Variants in TENM2 observed in about 807,000 individuals in gnomAD.
The protein encoded by TENM2 is teneurin-2.
In TENM2, 52 loss-of-function variants were observed where a neutral mutation model predicts 245.2. The ratio of observed to expected loss-of-function variants is 0.21; its 90% CI spans 0.17 to 0.27. The LOEUF (loss-of-function observed/expected upper bound fraction) is 0.27. Ranked by LOEUF, TENM2 falls within the 10% of genes least tolerant of loss-of-function variation. The pLI is 1.00. For synonymous variants in TENM2, 1,363 were observed against 1,438.9 expected (o/e 0.95, Z 1.19); for missense variants, 3,046 against 3,666.8 (o/e 0.83, Z 4.37).
intron 2 of TENM2, among the ~76,000 whole-genome samples, chr5:167,491,350 A>T: frequency 6.6e-6 from 1 of 152,048 alleles, no homozygotes; most frequent in Non-Finnish European, 1.5e-5. Context: ...ATTTTTTCCT[A>T]TGGGGAAGTC....
chr5:167,760,020 G>A (rs116171842), intron 2 of TENM2, among the ~76,000 whole-genome samples: 1 of 152,182 alleles, frequency 6.6e-6, no homozygotes, highest in African/African-American at 2.4e-5. Flanking sequence ...GAGCTTACTA[G>A]AGCGGTGGCT....
chr5:168,111,983 T>G (rs1238724587), intron 9 of TENM2, among the ~76,000 whole-genome samples: 3 of 152,198 alleles, frequency 2.0e-5, no homozygotes, highest in Non-Finnish European at 4.4e-5. Context: ...CGTTATGCTG[T>G]AAAACATGAG....
chr5:167,079,505 G>A, the TENM2 span, among the ~76,000 whole-genome samples: 1 of 150,988 alleles, frequency 6.6e-6, no homozygotes. Flanking sequence ...TAGAGACAGG[G>A]TTTCTCCACA....
In TENM2 at chr5:168,073,926, G is replaced by A. The variant is rs542680015; in HGVS notation, c.1515+11661G>A. 4.6e-5 allele frequency among the ~76,000 whole-genome samples: 7 copies of A among 152,244 alleles called. No individual in the cohort carries two copies. The East Asian group carries it at 1.4e-3, about 29-fold the overall frequency. The stretch of plus-strand genomic sequence containing the variant: ...CGACATGCCAAGGGGCTGCAGCCAG[G>A]GACAGGGCAGAGCTAGCCCTGCCCT... On this transcript the variant is annotated intron_variant, in intron 7 of 28. Coordinates refer to ENST00000518659, the Ensembl canonical transcript of TENM2.
At chr5:167,068,590 G>T in the TENM2 span, among the ~76,000 whole-genome samples, 1 of 152,060 alleles carries the variant, frequency 6.6e-6, no homozygotes. Flanking sequence ...ATTTACACTT[G>T]CAGTGCATGT....
chr5:167,593,310 A>G (rs1018759064), intron 2 of TENM2, among the ~76,000 whole-genome samples: 5 of 152,238 alleles, frequency 3.3e-5, no homozygotes, highest in African/African-American at 7.2e-5. Flanking sequence ...CATTTGTGCT[A>G]AGAAAACAAT....
At chr5:167,724,711 T>G (rs1759869697) in intron 2 of TENM2, among the ~76,000 whole-genome samples, 1 of 152,156 alleles carries the variant, frequency 6.6e-6, no homozygotes. Context: ...ATCTAAATGC[T>G]GAGAAGAAAC....
intron 5 of TENM2, among the ~76,000 whole-genome samples, chr5:168,016,518 A>G (rs1048454593): frequency 2.6e-5 from 4 of 152,250 alleles, no homozygotes; most frequent in Non-Finnish European, 5.9e-5. Flanking sequence ...GAGTAAAACA[A>G]TTAGTGAAGA....
At chr5:167,755,337 C>A in intron 2 of TENM2, 1 of 589,370 alleles carries the variant, frequency 1.7e-6, no homozygotes, top group Non-Finnish European at 3.0e-6. Flanking sequence ...GATTTCGCAC[C>A]GCAGTTGTCT....
At chr5:167,176,445 T>G in the TENM2 span, among the ~76,000 whole-genome samples, 1 of 152,252 alleles carries the variant, frequency 6.6e-6, no homozygotes, top group Non-Finnish European at 1.5e-5. Context: ...TTACAATAAC[T>G]TTAATGAAAT....
intron 2 of TENM2, among the ~76,000 whole-genome samples, chr5:167,841,463 A>G (rs1226828897): frequency 6.6e-6 from 1 of 152,208 alleles, no homozygotes; most frequent in Non-Finnish European, 1.5e-5. Flanking sequence ...CCTTGTGTAT[A>G]TATATGTGCC....
At chr5:167,820,033 C>T (rs1767389239) in intron 2 of TENM2, among the ~76,000 whole-genome samples, 1 of 152,102 alleles carries the variant, frequency 6.6e-6, no homozygotes, top group South Asian at 2.1e-4. Flanking sequence ...TTCCTAAACC[C>T]AGGGAGGTCA....
intron 2 of TENM2, among the ~76,000 whole-genome samples, chr5:167,727,916 CCATTATTTTTCTGGTCTTTGTGTCT>C (rs1469785544): frequency 1.3e-5 from 2 of 152,086 alleles, no homozygotes; most frequent in Non-Finnish European, 2.9e-5. Flanking sequence ...ATAAATATTA[CCATTATTTTTCTGGTCTTTGTGTCT>C]CATTGGGAAC....
intron 1 of TENM2, among the ~76,000 whole-genome samples, chr5:167,341,669 T>C (rs1561876088): frequency 6.6e-6 from 1 of 151,808 alleles, no homozygotes; most frequent in Non-Finnish European, 1.5e-5. Flanking sequence ...GCTGTAGATC[T>C]CTTTTTCTTT....
chr5:168,238,259 G>GAAAAGAAAAGA (rs1765757312), intron 25 of TENM2, among the ~76,000 whole-genome samples: 2 of 141,836 alleles, frequency 1.4e-5, no homozygotes, highest in Non-Finnish European at 3.1e-5. Flanking sequence ...GAAAAGAAAA[G>GAAAAGAAAAGA]AAAAGAAAAG....
At chr5:167,598,410 T>G (rs2127721846) in intron 2 of TENM2, among the ~76,000 whole-genome samples, 1 of 152,304 alleles carries the variant, frequency 6.6e-6, no homozygotes, top group East Asian at 1.9e-4. Context: ...TCTCCAGCTC[T>G]CCTGAAATCT....
At chr5:168,032,064 G>A (rs564400803) in intron 5 of TENM2, among the ~76,000 whole-genome samples, 147 of 152,286 alleles carry the variant, frequency 9.7e-4, no homozygotes, top group African/African-American at 3.5e-3. Context: ...AAGCATTGTA[G>A]TCAAGTGTTC....
intron 2 of TENM2, among the ~76,000 whole-genome samples, chr5:167,445,336 T>TATATATATATAGAGAGAGAGAGAG (rs368881390): frequency 1.0e-4 from 8 of 77,304 alleles, no homozygotes; most frequent in African/African-American, 3.3e-4. Flanking sequence ...TATATATATA[T>TATATATATATAGAGAGAGAGAGAG]AGAGAGAGAG....
Position 167,917,094 on chromosome 5 carries a change from C to T in TENM2, c.713-35494C>T, listed in dbSNP as rs1312074644. ...TGATACTGTCAGGCATCAGATGCACCTGATAATTTTTTGGAAGGAGGAATT... is the reference window on the plus strand; with the variant it reads ...TGATACTGTCAGGCATCAGATGCACTTGATAATTTTTTGGAAGGAGGAATT... On this transcript the variant is annotated intron_variant, in intron 3 of 28. Coordinates refer to ENST00000518659, the Ensembl canonical transcript of TENM2. 2.6e-5 allele frequency among the ~76,000 whole-genome samples: 4 copies of T among 152,164 alleles called. No individual in the cohort carries two copies. The East Asian group carries it at 7.7e-4, about 29-fold the overall frequency.
Sources: gnomAD v4.1 joint callset for allele counts (sites outside exome capture counted in the v4.1 genomes callset) on GRCh38, gnomAD v4.1.1 for gene constraint, MANE v1.5 for transcripts, NCBI Gene and HGNC (gene_info 2026-07-23, HGNC 2026-07-21) for gene names.